STIL: variants seen among roughly 807,000 people sequenced by gnomAD.
The protein encoded by STIL is STIL centriolar assembly protein, also known as SCL-interrupting locus protein.
A neutral mutation model predicts 110.1 loss-of-function variants in STIL; 55 were observed. That is an observed-to-expected ratio of 0.50 (90% CI 0.40 to 0.63). STIL has a LOEUF of 0.63. Among genes scored for constraint, STIL ranks in the 20% least tolerant of loss-of-function variants. The probability of loss-of-function intolerance (pLI) is 0.00; values close to 1 mark genes in which losing one functional copy is unlikely to be tolerated. For synonymous variants in STIL, 481 were observed against 530.0 expected (o/e 0.91, Z 1.27); for missense variants, 1,358 against 1,530.0 (o/e 0.89, Z 1.87).
chr1:47,304,088 C>A (rs1298921029), intron 3 of STIL, among the ~76,000 whole-genome samples: 1 of 151,668 alleles, frequency 6.6e-6, no homozygotes, highest in Admixed American at 6.6e-5. Flanking sequence ...ACTGAGGTTG[C>A]ATAAATAAGT....
At chr1:47,310,230 T>C in intron 2 of STIL, 46 bp downstream of exon 2, 1 of 1,575,532 alleles carries the variant, frequency 6.3e-7, no homozygotes, top group Non-Finnish European at 8.7e-7. Context: ...CTTCCCAAGT[T>C]ATGTGAAAAG....
At chr1:47,295,257 G>T (rs1645609430) in intron 7 of STIL, among the ~76,000 whole-genome samples, 1 of 151,948 alleles carries the variant, frequency 6.6e-6, no homozygotes, top group Non-Finnish European at 1.5e-5. Flanking sequence ...GCTTTTATCT[G>T]TTTTATATGT....
intron 11 of STIL, 128 bp from the exon 12 acceptor site, chr1:47,281,337 G>C (rs2148980543): frequency 9.8e-7 from 1 of 1,016,250 alleles, no homozygotes; most frequent in Non-Finnish European, 1.4e-6. Flanking sequence ...TCTTTATTTA[G>C]ACCATCAGTT....
rs777437089 is a variant in STIL at position 47,251,368 on chromosome 1, A to G, written c.3635T>C (p.Leu1212Ser). Residue 1212 changes from leucine to serine, a missense_variant, in exon 17 of 17, where the codon TTG (leucine) becomes TCG (serine). Physicochemically the swap from Leu to Ser is moderately radical, Grantham distance 145 (BLOSUM62 -2). Transcript: ENST00000371877. ...EVLQTKAKQQ[L>S]TEKPAFLVKN... is the part of the protein sequence containing the mutation. ...TACTAAGAAAGCTGGCTTTTCAGTC[A>G]ACTGCTGTTTTGCTTTTGTCTGCAA... The G allele has an allele frequency of 6.2e-7, 1 of 1,614,106 alleles. No individual in the cohort carries two copies. The highest frequency in any genetic ancestry group is 8.5e-7 in the Non-Finnish European group (1 of 1,180,056).
At chr1:47,268,999 G>GCAGA (rs1325472531) in intron 14 of STIL, among the ~76,000 whole-genome samples, 1 of 134,536 alleles carries the variant, frequency 7.4e-6, no homozygotes, top group Non-Finnish European at 1.7e-5. Context: ...CGGGAGGCAG[G>GCAGA]AGAATGGCGT....
chr1:47,250,977 ACCAG>A lies in STIL; in HGVS notation c.*155_*158del. 1 of 658,490 alleles carries A rather than the reference ACCAG, an allele frequency of 1.5e-6. No individual in the cohort carries two copies. Among genetic ancestry groups the A allele is most frequent in the South Asian group, 2.0e-5 (1 of 50,024 alleles). The allele number at this position is 658,490 out of a possible 1,614,324, so 40.8% of individuals were successfully genotyped here. A position where few individuals can be genotyped will look rare whatever the true frequency, so the allele number is the denominator to read the frequency against. On this transcript the variant is annotated 3_prime_UTR_variant, in exon 17 of 17. Coordinates refer to ENST00000371877, the MANE Select transcript of STIL (RefSeq NM_001048166.1). Reference sequence around the variant, plus strand: ...TGAACAATGAGAACTTAGTCCTATCACCAGCCAGCCATCTCACAGAAGTCACTCT... The same window carrying A: ...TGAACAATGAGAACTTAGTCCTATCACCAGCCATCTCACAGAAGTCACTCT...
chr1:47,302,091 A>C lies in STIL; in HGVS notation c.265+143T>G, dbSNP rs1645821251. Reference sequence around the variant, plus strand: ...TGCAGTCATACAAGTAATTTAAAAAAATGTTTTCTTGTACTGATGGAGTCT... The same window carrying C: ...TGCAGTCATACAAGTAATTTAAAAACATGTTTTCTTGTACTGATGGAGTCT... On this transcript the variant is annotated intron_variant, in intron 4 of 16. Coordinates refer to ENST00000371877, the MANE Select transcript of STIL (RefSeq NM_001048166.1). 7 of 675,322 alleles carry C rather than the reference A, an allele frequency of 1.0e-5. No individual in the cohort carries two copies. In the South Asian group the frequency reaches 1.2e-4, roughly 11 times the overall value. 41.8% of individuals were successfully genotyped at this position (675,322 alleles called of 1,614,324 possible). A position where few individuals can be genotyped will look rare whatever the true frequency, so the allele number is the denominator to read the frequency against.
intron 14 of STIL, 69 bp from the exon 15 acceptor site, chr1:47,263,185 A>G: frequency 7.0e-7 from 1 of 1,436,600 alleles, no homozygotes; most frequent in Non-Finnish European, 9.7e-7. Context: ...TAGTAACTTT[A>G]GAAAAAAGGG....
intron 2 of STIL, among the ~76,000 whole-genome samples, chr1:47,309,211 A>G (rs770929003): frequency 1.3e-4 from 20 of 152,188 alleles, no homozygotes; most frequent in Non-Finnish European, 2.8e-4. Context: ...AAATACATAC[A>G]CCATGTACCC....
Position 47,295,842 on chromosome 1 carries a change from A to T in STIL, c.708T>A (p.Leu236=). The T allele has an allele frequency of 6.2e-7, 1 of 1,608,992 alleles. No homozygotes were observed. Among genetic ancestry groups the T allele is most frequent in the Non-Finnish European group, 8.5e-7 (1 of 1,175,768 alleles). The stretch of plus-strand genomic sequence containing the variant: ...ACAATTTGCGTGTTTCATCCATGGT[A>T]AGATATCTAAACAGAAGACATTCAT... ...QVQGTYKYGY[L]TMDETRKLLL... Residue 236 remains leucine (L), a synonymous_variant, in exon 7 of 17, where the codon CTT becomes CTA. Transcript: ENST00000371877.
chr1:47,276,797 G>A (rs1457431016), intron 12 of STIL, among the ~76,000 whole-genome samples: 1 of 81,822 alleles, frequency 1.2e-5, no homozygotes, highest in Non-Finnish European at 2.3e-5. Context: ...CTGGGTGAAA[G>A]AGTAAAACTC....
chr1:47,287,755 T>C (rs1645347762), intron 9 of STIL, 95 bp from the exon 10 acceptor site: 1 of 942,644 alleles, frequency 1.1e-6, no homozygotes, highest in Admixed American at 2.0e-5. Context: ...CACTAGATGA[T>C]GGAGTGGCAG....
intron 3 of STIL, among the ~76,000 whole-genome samples, chr1:47,304,308 T>C (rs1331647018): frequency 6.6e-6 from 1 of 151,890 alleles, no homozygotes; most frequent in East Asian, 1.9e-4. Context: ...TGTGAGCCAC[T>C]GCACCCAGCC....
intron 3 of STIL, 63 bp downstream of exon 3, chr1:47,304,826 T>TATAC (rs1645904798): frequency 8.0e-7 from 1 of 1,246,310 alleles, no homozygotes; most frequent in African/African-American, 1.5e-5. Flanking sequence ...AACTTTGCCT[T>TATAC]ATACATCTTT....
chr1:47,260,489 C>T lies in STIL; in HGVS notation c.2880G>A (p.Pro960=), dbSNP rs774354721. 3.2e-5 allele frequency: 51 copies of T among 1,613,972 alleles called. No homozygotes were observed. The South Asian group carries it at 4.0e-4, about 13-fold the overall frequency. ...LNSSSKETEQ[P]STKAVIISHE... is the part of the protein sequence containing the mutation. ...GACTGATAATTACTGCTTTGGTAGA[C>T]GGCTGCTCAGTTTCCTTGGAGGAAC... The change falls in exon 16 of 17, where the codon CCG becomes CCA. Residue 960 remains proline (P), a synonymous_variant. Transcript: ENST00000371877.
intron 16 of STIL, among the ~76,000 whole-genome samples, chr1:47,256,176 A>G: frequency 6.6e-6 from 1 of 152,204 alleles, no homozygotes; most frequent in East Asian, 1.9e-4. Context: ...ATATAAGATT[A>G]TAAATACTGA....
intron 14 of STIL, among the ~76,000 whole-genome samples, chr1:47,266,699 T>A (rs1644663788): frequency 6.6e-6 from 1 of 152,214 alleles, no homozygotes; most frequent in Non-Finnish European, 1.5e-5. Context: ...TTCCACGAAT[T>A]CCACAAGTCC....
intron 14 of STIL, among the ~76,000 whole-genome samples, chr1:47,264,483 A>G (rs1644578597): frequency 6.6e-6 from 1 of 152,216 alleles, no homozygotes; most frequent in Admixed American, 6.5e-5. Flanking sequence ...CACAGCTTCT[A>G]AAGAAAAATA....
chr1:47,307,459 C>A (rs1185334343), intron 2 of STIL, among the ~76,000 whole-genome samples: 8 of 152,178 alleles, frequency 5.3e-5, no homozygotes, highest in Non-Finnish European at 1.0e-4. Flanking sequence ...ACTGCAATCT[C>A]TAAACATAAA....
Sources: allele counts gnomAD v4.1 joint callset (sites outside exome capture counted in the v4.1 genomes callset), GRCh38; gene constraint gnomAD v4.1.1; transcripts MANE v1.5; gene names NCBI Gene and HGNC (gene_info 2026-07-23, HGNC 2026-07-21).